The following SLC25A48 variants were observed in gnomAD, a reference collection of about 807,000 sequenced individuals.
The protein encoded by SLC25A48 is CTC-321K16.1.
A neutral mutation model predicts 32.2 loss-of-function variants in SLC25A48; 29 were observed. The observed-to-expected ratio is 0.90, with a 90% CI of 0.67 to 1.23. The LOEUF is 1.23. Among genes scored for constraint, SLC25A48 ranks in the 50% most tolerant of loss-of-function variants. The pLI is 0.00. For missense variants in SLC25A48, 399 were observed against 422.7 expected (o/e 0.94, Z 0.49); for synonymous variants, 164 against 172.3 (o/e 0.95, Z 0.38).
chr5:135,712,735 C>A (rs1354083612), intron 3 of SLC25A48, among the ~76,000 whole-genome samples: 2 of 152,250 alleles, frequency 1.3e-5, no homozygotes, highest in Non-Finnish European at 2.9e-5. Context: ...TGTGCTCAGA[C>A]CGCATCTGCC....
At chr5:135,827,953 C>T (rs1167082630) in intron 4 of SLC25A48, among the ~76,000 whole-genome samples, 1 of 152,232 alleles carries the variant, frequency 6.6e-6, no homozygotes, top group African/African-American at 2.4e-5. Context: ...CCACTCTCTC[C>T]TTGTGCAGCC....
At chr5:135,860,214 A>G (rs1317464822) in intron 4 of SLC25A48, among the ~76,000 whole-genome samples, 1 of 152,228 alleles carries the variant, frequency 6.6e-6, no homozygotes, top group East Asian at 1.9e-4. Context: ...TAATTTTTGC[A>G]AAGGTAGTTT....
chr5:135,844,784 T>G (rs2126712461), intron 2 of SLC25A48, among the ~76,000 whole-genome samples: 1 of 152,342 alleles, frequency 6.6e-6, no homozygotes. Context: ...TAAATGGTAT[T>G]TATAAATTTC....
chr5:135,618,369 C>T (rs981948569), intron 1 of SLC25A48, among the ~76,000 whole-genome samples: 1 of 151,912 alleles, frequency 6.6e-6, no homozygotes, highest in South Asian at 2.1e-4. Flanking sequence ...TATATTTCAG[C>T]CAATCTCTAT....
chr5:135,772,633 G>C (rs1456698046), intron 3 of SLC25A48, among the ~76,000 whole-genome samples: 3 of 150,926 alleles, frequency 2.0e-5, no homozygotes, highest in African/African-American at 4.9e-5. Context: ...AACTGGAGGG[G>C]GGGAGAAAAT....
intron 1 of SLC25A48, among the ~76,000 whole-genome samples, chr5:135,580,566 G>A (rs1386520356): frequency 6.6e-6 from 1 of 152,210 alleles, no homozygotes; most frequent in Non-Finnish European, 1.5e-5. Flanking sequence ...CAGCGCCTAT[G>A]CGTGCTGTTG....
chr5:135,834,374 G>T (rs1033296244), upstream of SLC25A48, among the ~76,000 whole-genome samples: 5 of 152,238 alleles, frequency 3.3e-5, no homozygotes, highest in African/African-American at 4.8e-5. Flanking sequence ...AGTTGGGATG[G>T]GAGAGAGTCC....
intron 1 of SLC25A48, among the ~76,000 whole-genome samples, chr5:135,616,430 A>G (rs1354789841): frequency 6.6e-6 from 1 of 152,232 alleles, no homozygotes; most frequent in Non-Finnish European, 1.5e-5. Flanking sequence ...GATGTGAGAC[A>G]TGGAGTCAAA....
At chr5:135,713,521 C>T (rs56242967) in intron 3 of SLC25A48, among the ~76,000 whole-genome samples, 2,353 of 152,170 alleles carry the variant, frequency 0.015, 22 homozygotes, top group Non-Finnish European at 0.024. Context: ...AGACAGGACA[C>T]GGGACATTAT....
intron 4 of SLC25A48, among the ~76,000 whole-genome samples, chr5:135,864,522 A>G (rs959844639): frequency 2.6e-5 from 4 of 152,190 alleles, no homozygotes; most frequent in South Asian, 2.1e-4. Context: ...AATCCTGAAG[A>G]CAACCCAGGC....
intron 3 of SLC25A48, among the ~76,000 whole-genome samples, chr5:135,638,753 A>G (rs540074791): frequency 7.2e-5 from 11 of 152,344 alleles, no homozygotes; most frequent in African/African-American, 2.2e-4. Context: ...CTTATGATCA[A>G]TTGGCCTCAG....
intron 3 of SLC25A48, among the ~76,000 whole-genome samples, chr5:135,731,137 T>C (rs1440158098): frequency 6.6e-6 from 1 of 151,864 alleles, no homozygotes; most frequent in Non-Finnish European, 1.5e-5. Flanking sequence ...TTTTATAGGA[T>C]TTGGGTAGGT....
chr5:135,660,267 C>G (rs990267721), intron 3 of SLC25A48, among the ~76,000 whole-genome samples: 1 of 152,208 alleles, frequency 6.6e-6, no homozygotes, highest in South Asian at 2.1e-4. Flanking sequence ...TGAAATATCA[C>G]AACCAGAATA....
chr5:135,671,841 G>C (rs753550015), intron 3 of SLC25A48: 2 of 152,020 alleles, frequency 1.3e-5, no homozygotes, highest in African/African-American at 4.8e-5. Context: ...ACAACAGAAG[G>C]CATTAAGTTC....
At chr5:135,682,623 C>G (rs755732419) in intron 3 of SLC25A48, among the ~76,000 whole-genome samples, 2 of 152,066 alleles carry the variant, frequency 1.3e-5, no homozygotes, top group Non-Finnish European at 2.9e-5. Context: ...GGTTGTATGC[C>G]AATCACATTT....
chr5:135,765,201 G>C (rs1404213634), intron 3 of SLC25A48, among the ~76,000 whole-genome samples: 2 of 151,440 alleles, frequency 1.3e-5, no homozygotes, highest in East Asian at 3.9e-4. Flanking sequence ...CTGTTTTATG[G>C]TTTGTAATAT....
chr5:135,691,826 G>A (rs906658746), intron 3 of SLC25A48, among the ~76,000 whole-genome samples: 1 of 152,126 alleles, frequency 6.6e-6, no homozygotes. Flanking sequence ...GATGAGTGCT[G>A]AGCATGGGAC....
intron 3 of SLC25A48, among the ~76,000 whole-genome samples, chr5:135,727,452 C>T (rs112091482): frequency 2.0e-5 from 3 of 152,058 alleles, no homozygotes; most frequent in South Asian, 2.1e-4. Flanking sequence ...TTTTAATGAT[C>T]GTGCTTTTGA....
intron 3 of SLC25A48, among the ~76,000 whole-genome samples, chr5:135,801,779 G>A (rs1757333594): frequency 2.0e-5 from 3 of 151,614 alleles, no homozygotes; most frequent in African/African-American, 2.4e-5. Context: ...TAATATGCAG[G>A]GAGAAAGGGA....
Sources: allele counts gnomAD v4.1 joint callset (sites outside exome capture counted in the v4.1 genomes callset), GRCh38; gene constraint gnomAD v4.1.1; transcripts MANE v1.5; gene names NCBI Gene and HGNC (gene_info 2026-07-23, HGNC 2026-07-21).